UBE2E2: variants seen among roughly 807,000 people sequenced by gnomAD.
UBE2E2 encodes ubiquitin-conjugating enzyme E2 E2.
In UBE2E2, 6 loss-of-function variants were observed where a neutral mutation model predicts 24.7. The observed-to-expected ratio is 0.24, with a 90% CI of 0.13 to 0.48. UBE2E2 has a LOEUF of 0.48. Among genes scored for constraint, UBE2E2 ranks in the 20% least tolerant of loss-of-function variants. The probability of loss-of-function intolerance (pLI) is 0.99; values close to 1 mark genes in which losing one functional copy is unlikely to be tolerated. For synonymous variants in UBE2E2, 104 were observed against 83.6 expected, an observed-to-expected ratio of 1.24 and a Z score of -1.33; for missense variants, 169 against 245.0, an observed-to-expected ratio of 0.69 and a Z score of 2.07.
chr3:23,549,972 G>A (rs1695606110), intron 5 of UBE2E2, among the ~76,000 whole-genome samples: 2 of 150,926 alleles, frequency 1.3e-5, no homozygotes, highest in African/African-American at 4.9e-5. Context: ...GGCGCAGGCT[G>A]TAGTAAGACG....
At chr3:23,500,229 A>G (rs1162701348) in intron 4 of UBE2E2, among the ~76,000 whole-genome samples, 33 of 152,338 alleles carry the variant, frequency 2.2e-4, no homozygotes, top group Non-Finnish European at 1.5e-5. Flanking sequence ...TGTAGCACAC[A>G]TGGACTAGTA....
At chr3:23,485,592 T>C (rs1452842946) in intron 3 of UBE2E2, among the ~76,000 whole-genome samples, 1 of 152,142 alleles carries the variant, frequency 6.6e-6, no homozygotes, top group Non-Finnish European at 1.5e-5. Flanking sequence ...AATGTGTGTA[T>C]ATCATGGAGG....
chr3:23,317,761 C>T (rs1214151164), intron 3 of UBE2E2, among the ~76,000 whole-genome samples: 1 of 152,022 alleles, frequency 6.6e-6, no homozygotes, highest in African/African-American at 2.4e-5. Context: ...CCTACCGGGT[C>T]TCTCCCACGA....
chr3:23,241,933 A>G (rs939068485), intron 3 of UBE2E2, among the ~76,000 whole-genome samples: 25 of 152,124 alleles, frequency 1.6e-4, no homozygotes, highest in African/African-American at 6.0e-4. Flanking sequence ...TAATATAGAG[A>G]CAAGGTCTTA....
At chr3:23,519,213 A>G (rs1307434400) in intron 4 of UBE2E2, among the ~76,000 whole-genome samples, 1 of 151,436 alleles carries the variant, frequency 6.6e-6, no homozygotes. Flanking sequence ...AGAAATAACT[A>G]GCTTAGAAAA....
intron 3 of UBE2E2, among the ~76,000 whole-genome samples, chr3:23,289,433 A>G (rs1267030971): frequency 6.6e-6 from 1 of 152,238 alleles, no homozygotes; most frequent in Non-Finnish European, 1.5e-5. Flanking sequence ...CTTTGCAGAC[A>G]TACCTTATAA....
intron 3 of UBE2E2, among the ~76,000 whole-genome samples, chr3:23,269,701 A>C (rs1226598998): frequency 1.3e-5 from 2 of 152,202 alleles, no homozygotes; most frequent in African/African-American, 4.8e-5. Flanking sequence ...AGCAGCATCA[A>C]CAACAGCAAC....
chr3:23,433,868 T>C (rs1219846171), intron 3 of UBE2E2, among the ~76,000 whole-genome samples: 1 of 152,018 alleles, frequency 6.6e-6, no homozygotes, highest in African/African-American at 2.4e-5. Context: ...CGGGAATACA[T>C]GTAGACTAAG....
At chr3:23,537,187 T>C (rs1695286549) in intron 5 of UBE2E2, among the ~76,000 whole-genome samples, 2 of 152,224 alleles carry the variant, frequency 1.3e-5, no homozygotes, top group African/African-American at 4.8e-5. Context: ...TCCCCTGTCG[T>C]CTGCCTTCAG....
intron 2 of UBE2E2, among the ~76,000 whole-genome samples, chr3:23,213,444 G>A (rs999646721): frequency 6.6e-6 from 1 of 151,838 alleles, no homozygotes; most frequent in Non-Finnish European, 1.5e-5. Flanking sequence ...GTCCCACACA[G>A]CATTCTTATT....
At chr3:23,564,133 C>A (rs1033201193) in intron 5 of UBE2E2, among the ~76,000 whole-genome samples, 12 of 151,736 alleles carry the variant, frequency 7.9e-5, no homozygotes, top group African/African-American at 2.9e-4. Flanking sequence ...ACAAATGATA[C>A]CTGATTTACA....
intron 3 of UBE2E2, among the ~76,000 whole-genome samples, chr3:23,276,435 A>G (rs546946595): frequency 6.0e-4 from 91 of 152,294 alleles, no homozygotes; most frequent in African/African-American, 1.8e-3. Flanking sequence ...AATTTACGTT[A>G]GCATAGAACT....
chr3:23,535,706 C>T (rs1334812704), intron 5 of UBE2E2, among the ~76,000 whole-genome samples: 2 of 149,698 alleles, frequency 1.3e-5, no homozygotes, highest in South Asian at 4.3e-4. Context: ...TCACTGCATC[C>T]TCTCCTCCCG....
chr3:23,441,368 C>CAAAAA (rs752204801), intron 3 of UBE2E2, among the ~76,000 whole-genome samples: 1 of 103,254 alleles, frequency 9.7e-6, no homozygotes, highest in African/African-American at 3.7e-5. Flanking sequence ...ACTAAAAATC[C>CAAAAA]AAAAAAAAAA....
chr3:23,412,485 C>T (rs1697516630), intron 3 of UBE2E2, among the ~76,000 whole-genome samples: 1 of 152,132 alleles, frequency 6.6e-6, no homozygotes, highest in Non-Finnish European at 1.5e-5. Flanking sequence ...TTGAGCCACT[C>T]TTTGTGAAGT....
intron 3 of UBE2E2, among the ~76,000 whole-genome samples, chr3:23,372,100 G>A (rs569549949): frequency 3.9e-4 from 59 of 152,162 alleles, no homozygotes; most frequent in African/African-American, 1.4e-3. Context: ...CCTGGGTTAC[G>A]AGTGAGACTC....
chr3:23,302,291 A>G (rs1276769351), intron 3 of UBE2E2, among the ~76,000 whole-genome samples: 1 of 152,190 alleles, frequency 6.6e-6, no homozygotes, highest in East Asian at 1.9e-4. Context: ...AGACTATATA[A>G]TATTTCCCTT....
chr3:23,330,485 C>A (rs889378902), intron 3 of UBE2E2, among the ~76,000 whole-genome samples: 2 of 152,080 alleles, frequency 1.3e-5, no homozygotes, highest in African/African-American at 2.4e-5. Flanking sequence ...CACATAAGTA[C>A]AAGAAAGATT....
intron 3 of UBE2E2, among the ~76,000 whole-genome samples, chr3:23,289,228 C>T (rs921196270): frequency 6.6e-6 from 1 of 152,188 alleles, no homozygotes; most frequent in African/African-American, 2.4e-5. Flanking sequence ...TTAACAAATA[C>T]GGCTAAAGTG....
Sources: allele counts gnomAD v4.1 joint callset (sites outside exome capture counted in the v4.1 genomes callset), GRCh38; gene constraint gnomAD v4.1.1; transcripts MANE v1.5; gene names NCBI Gene and HGNC (gene_info 2026-07-23, HGNC 2026-07-21).